Variants in HK2 observed in about 807,000 individuals in gnomAD.
The protein encoded by HK2 is hexokinase-2.
HK2 carries 42 observed loss-of-function variants against 92.9 expected under a neutral mutation model. The observed-to-expected ratio is 0.45, with a 90% confidence interval of 0.35 to 0.58. The LOEUF is 0.58. Among genes scored for constraint, HK2 ranks in the 20% least tolerant of loss-of-function variants. The pLI is 0.00. For synonymous variants in HK2, 422 were observed against 468.0 expected, an observed-to-expected ratio of 0.90 and a Z score of 1.27; for missense variants, 978 against 1,245.1, an observed-to-expected ratio of 0.79 and a Z score of 3.23.
chr2:74,860,999 A>G (rs1310527126), intron 2 of HK2, among the ~76,000 whole-genome samples: 6 of 152,212 alleles, frequency 3.9e-5, no homozygotes, highest in Admixed American at 3.9e-4. Context: ...ACCTCTCTGT[A>G]GGCAGCCCTA....
At chr2:74,844,793 G>A (rs534710710) in intron 1 of HK2, among the ~76,000 whole-genome samples, 2 of 152,336 alleles carry the variant, frequency 1.3e-5, no homozygotes, top group East Asian at 3.9e-4. Context: ...CATGCAGTGT[G>A]GGCGCCAGCC....
intron 3 of HK2, among the ~76,000 whole-genome samples, chr2:74,870,253 G>A (rs1417854609): frequency 1.3e-5 from 2 of 152,062 alleles, no homozygotes; most frequent in African/African-American, 2.4e-5. Flanking sequence ...CAAGTGATCT[G>A]CCCGTCTTCG....
intron 7 of HK2, among the ~76,000 whole-genome samples, chr2:74,876,456 A>G (rs533329169): frequency 6.6e-6 from 1 of 152,286 alleles, no homozygotes; most frequent in Non-Finnish European, 1.5e-5. Context: ...ATGAAAGAAA[A>G]CAGTGCCACC....
At chr2:74,840,878 CAAAAAA>C (rs56344068) in intron 1 of HK2, among the ~76,000 whole-genome samples, 1 of 55,948 alleles carries the variant, frequency 1.8e-5, no homozygotes, top group African/African-American at 8.8e-5. Context: ...GACTCTGTCT[CAAAAAA>C]AAAAAAAAAA....
chr2:74,835,169 G>A (rs192205413), intron 1 of HK2: 3 of 185,722 alleles, frequency 1.6e-5, no homozygotes, highest in African/African-American at 7.2e-5. Context: ...AGGAGAAGCT[G>A]ACCCGGGAAG....
Position 74,854,114 on chromosome 2 carries a change from G to GT in HK2, c.64-167dup, listed in dbSNP as rs372867000. 7.3e-3 allele frequency among the ~76,000 whole-genome samples: 1,066 copies of GT among 145,446 alleles called. 8 individuals carry two copies. Among genetic ancestry groups the GT allele is most frequent in the African/African-American group, 0.022 (863 of 39,964 alleles). ...CTATTTTTATAATTTTAATTTTTTG[G>GT]TTTTTTTTTTTTAAGACAAAGTCCT... On this transcript the variant is annotated intron_variant, in intron 1 of 17. Coordinates refer to ENST00000290573, the MANE Select transcript of HK2 (RefSeq NM_000189.5).
Position 74,892,331 on chromosome 2 carries a change from T to G in HK2, c.*1390T>G, listed in dbSNP as rs1689700802. 6.6e-6 allele frequency: 1 copy of G among 152,130 alleles called. No homozygotes were observed. The allele number at this position is 152,130 out of a possible 1,614,324, so 9.4% of individuals were successfully genotyped here. A position where few individuals can be genotyped will look rare whatever the true frequency, so the allele number is the denominator to read the frequency against. On this transcript the variant is annotated 3_prime_UTR_variant, in exon 18 of 18. Coordinates refer to ENST00000290573, the MANE Select transcript of HK2 (RefSeq NM_000189.5). Reference sequence around the variant, plus strand: ...AAAACCTCAGGGACAACATTTTTGGTGTATTTGAGCCCTCCCAGCAAGTTT... The same window carrying G: ...AAAACCTCAGGGACAACATTTTTGGGGTATTTGAGCCCTCCCAGCAAGTTT...
intron 2 of HK2, among the ~76,000 whole-genome samples, chr2:74,860,776 A>G (rs1216849734): frequency 6.6e-6 from 1 of 152,204 alleles, no homozygotes; most frequent in African/African-American, 2.4e-5. Context: ...TGGGTCATTC[A>G]TAGAATTTGG....
Position 74,892,126 on chromosome 2 carries a change from GCAAAGGAAAC to G in HK2, c.*1194_*1203del, listed in dbSNP as rs1467564799. The G allele has an allele frequency of 7.2e-5, 11 of 152,688 alleles. No homozygotes were observed. The highest frequency in any genetic ancestry group is 1.9e-4 in the African/African-American group (8 of 41,546). The allele number at this position is 152,688 out of a possible 1,614,324, so 9.5% of individuals were successfully genotyped here. ...TTGGCAGTATTCCATGGGATGTTAAGCAAAGGAAACCAAAGGAATCGTTTCAAATGGACTC... is the reference window on the plus strand; with the variant it reads ...TTGGCAGTATTCCATGGGATGTTAAGCAAAGGAATCGTTTCAAATGGACTC... On this transcript the variant is annotated 3_prime_UTR_variant, in exon 18 of 18. Coordinates refer to ENST00000290573, the MANE Select transcript of HK2 (RefSeq NM_000189.5).
At chr2:74,890,218 G>T (rs1179534643) in intron 17 of HK2, among the ~76,000 whole-genome samples, 1 of 152,214 alleles carries the variant, frequency 6.6e-6, no homozygotes, top group African/African-American at 2.4e-5. Context: ...AGGGTGTCCT[G>T]ACCCTGCTGT....
chr2:74,882,061 C>A, intron 11 of HK2, 59 bp from the exon 12 acceptor site: 1 of 1,558,268 alleles, frequency 6.4e-7, no homozygotes, highest in Non-Finnish European at 8.9e-7. Context: ...GCAGGCCCTA[C>A]TGGGGGCAGC....
intron 13 of HK2, among the ~76,000 whole-genome samples, 193 bp from the exon 14 acceptor site, chr2:74,886,101 G>A (rs1689528096): frequency 6.6e-6 from 1 of 152,124 alleles, no homozygotes; most frequent in Non-Finnish European, 1.5e-5. Context: ...CTGGAAAGGG[G>A]CACTGTTAAA....
rs114174615 is a variant in HK2 at position 74,847,320 on chromosome 2, T to G, written c.64-6973T>G. On this transcript the variant is annotated intron_variant, in intron 1 of 17. Transcript: ENST00000290573. Reference sequence around the variant, plus strand: ...TGCTTACTAAAAGGATTTAGTGATTTGGTTCAGCTTTCAGTAAAAAGATTT... The same window carrying G: ...TGCTTACTAAAAGGATTTAGTGATTGGGTTCAGCTTTCAGTAAAAAGATTT... Among the ~76,000 whole-genome samples, 483 of 152,346 alleles carry G rather than the reference T, an allele frequency of 3.2e-3. 2 individuals are homozygous for G. Among genetic ancestry groups the G allele is most frequent in the African/African-American group, 0.011 (464 of 41,574 alleles).
intron 1 of HK2, among the ~76,000 whole-genome samples, chr2:74,851,678 C>T (rs542453695): frequency 4.6e-5 from 7 of 152,172 alleles, no homozygotes; most frequent in East Asian, 1.9e-4. Flanking sequence ...GGAGGTGGGG[C>T]GGGGGCACCA....
In HK2 at chr2:74,880,296, C is replaced by G; in HGVS notation, c.1297C>G (p.Arg433Gly). The G allele has an allele frequency of 6.2e-7, 1 of 1,614,170 alleles. No homozygotes were observed. The highest frequency in any genetic ancestry group is 8.5e-7 in the Non-Finnish European group (1 of 1,180,040). ...FAKRLHKTVRRLVPGCDVRFL... is the reference protein window; with the variant it reads ...FAKRLHKTVRGLVPGCDVRFL... ...CAAGCGTCTACATAAGACCGTGCGG[C>G]GGCTGGTGCCCGGCTGCGATGTCCG... Residue 433 changes from arginine (R) to glycine (G), a missense_variant, in exon 10 of 18, where the codon CGG becomes GGG. Arg to Gly is a moderately radical substitution (Grantham distance 125). Transcript: ENST00000290573.
intron 1 of HK2, among the ~76,000 whole-genome samples, chr2:74,841,532 G>A (rs1205401222): frequency 6.6e-6 from 1 of 152,148 alleles, no homozygotes; most frequent in East Asian, 1.9e-4. Context: ...AGCCCTAGTT[G>A]GGATCAGAGC....
intron 2 of HK2, among the ~76,000 whole-genome samples, chr2:74,865,714 C>T (rs1218994770): frequency 6.6e-6 from 1 of 152,022 alleles, no homozygotes; most frequent in Non-Finnish European, 1.5e-5. Context: ...AATTAGTGCC[C>T]CTAAGGAGGA....
At chr2:74,873,994 GTGGGCTGGAAAGGGAGAAGGGGCCCA>G in intron 6 of HK2, 51 bp downstream of exon 6, 1 of 1,411,376 alleles carries the variant, frequency 7.1e-7, no homozygotes, top group Non-Finnish European at 1.0e-6. Context: ...GGATGGGGGT[GTGGGCTGGAAAGGGAGAAGGGGCCCA>G]TGGGCTGGGT....
chr2:74,862,419 T>A (rs1337999144), intron 2 of HK2, among the ~76,000 whole-genome samples: 1 of 152,250 alleles, frequency 6.6e-6, no homozygotes, highest in Non-Finnish European at 1.5e-5. Context: ...AGCAGCAGTG[T>A]GCTAAGCTGC....
Sources: gnomAD v4.1 joint callset for allele counts (sites outside exome capture counted in the v4.1 genomes callset) on GRCh38, gnomAD v4.1.1 for gene constraint, MANE v1.5 for transcripts, NCBI Gene and HGNC (gene_info 2026-07-23, HGNC 2026-07-21) for gene names.